LOC400499: variants seen among roughly 807,000 people sequenced by gnomAD.
At chr16:11,421,390 C>T in the LOC400499 span, among the ~76,000 whole-genome samples, 1 of 151,826 alleles carries the variant, frequency 6.6e-6, no homozygotes, top group African/African-American at 2.4e-5. Flanking sequence ...TGGTCACTCA[C>T]TCTGGTATTT....
chr16:11,446,735 C>G, the LOC400499 span: 2 of 1,535,264 alleles, frequency 1.3e-6, no homozygotes, highest in East Asian at 2.4e-5. Flanking sequence ...GGCTATGCCC[C>G]AGACACACTC....
chr16:11,413,142 C>G, the LOC400499 span, among the ~76,000 whole-genome samples: 2 of 152,102 alleles, frequency 1.3e-5, no homozygotes, highest in African/African-American at 4.8e-5. Context: ...TATTGCAGCT[C>G]AGGTTGGCAG....
chr16:11,435,117 C>A, the LOC400499 span, among the ~76,000 whole-genome samples: 2 of 151,900 alleles, frequency 1.3e-5, no homozygotes, highest in African/African-American at 4.8e-5. Flanking sequence ...GTAGCTGGGA[C>A]TACAGGTGCA....
chr16:11,448,580 T>G, the LOC400499 span, among the ~76,000 whole-genome samples: 1 of 151,712 alleles, frequency 6.6e-6, no homozygotes, highest in Non-Finnish European at 1.5e-5. Flanking sequence ...CAGTGATGCA[T>G]GGTGGCATGA....
the LOC400499 span, among the ~76,000 whole-genome samples, chr16:11,522,489 C>T: frequency 6.6e-6 from 1 of 152,110 alleles, no homozygotes; most frequent in Non-Finnish European, 1.5e-5. Context: ...TGCCAGTAAC[C>T]CAGCCCAGTT....
the LOC400499 span, chr16:11,442,501 G>C: frequency 6.6e-6 from 1 of 152,184 alleles, no homozygotes; most frequent in African/African-American, 2.4e-5. Flanking sequence ...AGTATTACAG[G>C]CGTGAGCCAT....
At chr16:11,468,574 A>C in the LOC400499 span, among the ~76,000 whole-genome samples, 1 of 151,878 alleles carries the variant, frequency 6.6e-6, no homozygotes, top group Non-Finnish European at 1.5e-5. Flanking sequence ...GATCCTCCCA[A>C]CTTGGCCTCC....
At chr16:11,509,204 G>T in the LOC400499 span, among the ~76,000 whole-genome samples, 1 of 145,718 alleles carries the variant, frequency 6.9e-6, no homozygotes, top group Admixed American at 7.3e-5. Flanking sequence ...TGCAAGCTCC[G>T]CCTCCTGGGT....
the LOC400499 span, among the ~76,000 whole-genome samples, chr16:11,443,037 G>A: frequency 6.6e-6 from 1 of 152,136 alleles, no homozygotes; most frequent in Non-Finnish European, 1.5e-5. Context: ...CTTGCAAATA[G>A]AAATGGCCGG....
the LOC400499 span, among the ~76,000 whole-genome samples, chr16:11,503,177 A>G: frequency 5.3e-5 from 8 of 152,182 alleles, no homozygotes; most frequent in Admixed American, 5.2e-4. Context: ...GGCCTCCCCA[A>G]GTGCTGGGAT....
At chr16:11,478,663 C>A in the LOC400499 span, 3 of 399,196 alleles carry the variant, frequency 7.5e-6, no homozygotes, top group Admixed American at 1.3e-4. Flanking sequence ...CAGAGCCTGC[C>A]GGGCCCCACG....
the LOC400499 span, among the ~76,000 whole-genome samples, chr16:11,498,265 G>A: frequency 6.6e-6 from 1 of 152,214 alleles, no homozygotes; most frequent in African/African-American, 2.4e-5. Flanking sequence ...CAAATCACAT[G>A]AGCTCAGGAG....
At chr16:11,499,954 T>C in the LOC400499 span, among the ~76,000 whole-genome samples, 6 of 152,080 alleles carry the variant, frequency 3.9e-5, no homozygotes, top group Admixed American at 3.3e-4. Context: ...ACCTGCAAAA[T>C]GGGGTTGATG....
the LOC400499 span, chr16:11,478,616 G>C: frequency 5.0e-6 from 2 of 399,088 alleles, no homozygotes; most frequent in East Asian, 3.6e-5. Context: ...ACAAAGCTCA[G>C]CTCCTGCCCC....
chr16:11,418,337 G>A, the LOC400499 span, among the ~76,000 whole-genome samples: 2 of 152,128 alleles, frequency 1.3e-5, no homozygotes, highest in East Asian at 1.9e-4. Flanking sequence ...GTCACGGGAC[G>A]ACATAGGAGG....
the LOC400499 span, among the ~76,000 whole-genome samples, chr16:11,483,147 G>A: frequency 6.6e-6 from 1 of 152,136 alleles, no homozygotes; most frequent in African/African-American, 2.4e-5. Flanking sequence ...AAATTAAAAA[G>A]TCTAACCATA....
the LOC400499 span, among the ~76,000 whole-genome samples, chr16:11,449,541 G>A: frequency 6.6e-6 from 1 of 152,178 alleles, no homozygotes; most frequent in African/African-American, 2.4e-5. Context: ...TAGGGCATTT[G>A]CAGCCGCCAC....
At chr16:11,514,392 G>C in the LOC400499 span, 1 of 399,196 alleles carries the variant, frequency 2.5e-6, no homozygotes, top group Non-Finnish European at 4.4e-6. Flanking sequence ...ATCTCGTGCA[G>C]CAGACTGAGT....
chr16:11,383,968 TCCTGCTGAGGCTTCTCAGTGGC>T, the LOC400499 span: 1 of 1,231,730 alleles, frequency 8.1e-7, no homozygotes, highest in Non-Finnish European at 1.0e-6. Context: ...GCAGGCCTGC[TCCTGCTGAGGCTTCTCAGTGGC>T]CCTGCAGTCA....
Sources: gnomAD v4.1 joint callset for allele counts (sites outside exome capture counted in the v4.1 genomes callset) on GRCh38, gnomAD v4.1.1 for gene constraint, MANE v1.5 for transcripts.